Variants in LRRC27 observed in about 807,000 individuals in gnomAD.
The protein encoded by LRRC27 is leucine-rich repeat-containing protein 27.
Under a neutral mutation model 55.0 loss-of-function variants are expected in LRRC27, and 57 were observed. The observed-to-expected ratio is 1.04, with a 90% CI of 0.84 to 1.29. The LOEUF (loss-of-function observed/expected upper bound fraction) is 1.29. Ranked by LOEUF, LRRC27 falls within the 50% of genes most tolerant of loss-of-function variation. LRRC27 has a pLI of 0.00. For synonymous variants in LRRC27, 278 were observed against 251.9 expected (o/e 1.10, Z -0.98); for missense variants, 721 against 651.5 (o/e 1.11, Z -1.16).
intron 7 of LRRC27, 57 bp from the exon 8 acceptor site, chr10:132,355,733 T>C: frequency 2.3e-6 from 3 of 1,302,654 alleles, no homozygotes; most frequent in Non-Finnish European, 2.2e-6. Flanking sequence ...AGAGGAATCC[T>C]GTAGCCTTGG....
At chr10:132,353,887 G>A (rs574711726) in intron 7 of LRRC27, among the ~76,000 whole-genome samples, 1 of 152,356 alleles carries the variant, frequency 6.6e-6, no homozygotes, top group East Asian at 1.9e-4. Context: ...GCCTCAGCAG[G>A]CATCTCCCTT....
chr10:132,372,127 G>A lies in LRRC27; in HGVS notation c.1417-2939G>A, dbSNP rs536249401. 2.0e-5 allele frequency among the ~76,000 whole-genome samples: 3 copies of A among 152,072 alleles called. No individual in the cohort carries two copies. The highest frequency in any genetic ancestry group is 2.1e-4 in the South Asian group (1 of 4,794). On this transcript the variant is annotated intron_variant, in intron 10 of 10. Transcript: ENST00000368614. This position sits in a 1 kb window ranked among gnomAD's most constrained non-coding sequence, Gnocchi z 4.0. Reference sequence around the variant, plus strand: ...GGATGGGAAGTGGGGGTCGGGGTGCGGTGGCTCACGCCTGCAATCCCAGTT... The same window carrying A: ...GGATGGGAAGTGGGGGTCGGGGTGCAGTGGCTCACGCCTGCAATCCCAGTT...
chr10:132,351,214 G>A lies in LRRC27; in HGVS notation c.927-393G>A, dbSNP rs142755776. On this transcript the variant is annotated intron_variant, in intron 6 of 10. Transcript: ENST00000368614. Reference sequence around the variant, plus strand: ...CCAGGCACGTCACATCGTCCAGCCCGGGCGAGCTGCTGGCCAGGCCCCCTG... The same window carrying A: ...CCAGGCACGTCACATCGTCCAGCCCAGGCGAGCTGCTGGCCAGGCCCCCTG... The A allele has an allele frequency of 3.7e-3, 664 of 180,378 alleles. 3 individuals are homozygous for A. The highest frequency in any genetic ancestry group is 6.1e-3 in the Non-Finnish European group (517 of 84,890). The allele number at this position is 180,378 out of a possible 1,614,324, so 11.2% of individuals were successfully genotyped here.
Position 132,342,216 on chromosome 10 carries a change from T to TTTGAAAA in LRRC27, c.346_352dup (p.Thr118IlefsTer75). On this transcript the variant is annotated frameshift_variant, in exon 4 of 11. Transcript: ENST00000368614. LOFTEE classifies it high-confidence loss of function. ...TTTGTTTTGTTTTGCTTTAAAGGCA[T>TTTGAAAA]TTGAAAACTTTGCTTTTAGAAAGAA... The TTTGAAAA allele has an allele frequency of 6.5e-7, 1 of 1,547,498 alleles. No individual in the cohort carries two copies. The highest frequency in any genetic ancestry group is 8.7e-7 in the Non-Finnish European group (1 of 1,144,300).
intron 1 of LRRC27, chr10:132,332,486 C>T (rs1348173256): frequency 6.6e-6 from 1 of 152,252 alleles, no homozygotes; most frequent in Non-Finnish European, 1.5e-5. Flanking sequence ...GTGGGGATCC[C>T]TTGAAGGCAG....
At chr10:132,338,406 T>G (rs2067231476) in intron 3 of LRRC27, among the ~76,000 whole-genome samples, 1 of 152,218 alleles carries the variant, frequency 6.6e-6, no homozygotes, top group African/African-American at 2.4e-5. Flanking sequence ...TGAGAAATTC[T>G]TCTCACTTTG....
At chr10:132,360,707 C>G (rs1389409014) in intron 8 of LRRC27, among the ~76,000 whole-genome samples, 3 of 152,232 alleles carry the variant, frequency 2.0e-5, no homozygotes, top group African/African-American at 4.8e-5. Flanking sequence ...ATGGCAGATA[C>G]AACCATTCCA....
chr10:132,368,731 C>G (rs985115753), intron 10 of LRRC27, among the ~76,000 whole-genome samples: 2 of 152,182 alleles, frequency 1.3e-5, no homozygotes, highest in Non-Finnish European at 2.9e-5. Context: ...ACCTAAGTGA[C>G]CTTGGGTATG....
chr10:132,330,146 C>G (rs1026933556), upstream of LRRC27: 5 of 364,344 alleles, frequency 1.4e-5, no homozygotes, highest in Non-Finnish European at 2.6e-5. Context: ...TGGATACAAT[C>G]TGGCTGGGCA....
Position 132,380,795 on chromosome 10 carries a change from T to C in LRRC27, c.*5553T>C, listed in dbSNP as rs1268994984. The stretch of plus-strand genomic sequence containing the variant: ...GCTCCTGAGAAGCAGAGAAAAGTCA[T>C]GACATTTCAAGAAAAAGTTGAATTT... On this transcript the variant is annotated 3_prime_UTR_variant, in exon 11 of 11. Transcript: ENST00000368614. Among the ~76,000 whole-genome samples the C allele has an allele frequency of 6.6e-6, 1 of 152,242 alleles. No individual in the cohort carries two copies. Among genetic ancestry groups the C allele is most frequent in the Non-Finnish European group, 1.5e-5 (1 of 68,038 alleles).
intron 5 of LRRC27, among the ~76,000 whole-genome samples, chr10:132,346,198 G>A (rs529947813): frequency 1.1e-4 from 16 of 152,324 alleles, no homozygotes; most frequent in African/African-American, 3.8e-4. Flanking sequence ...TGCTGATGGG[G>A]TGCGGGGTCC....
chr10:132,342,669 A>G (rs1305475659), intron 4 of LRRC27, among the ~76,000 whole-genome samples: 2 of 152,234 alleles, frequency 1.3e-5, no homozygotes, highest in Non-Finnish European at 2.9e-5. Context: ...GAATCTAAAC[A>G]CTCAAAACCA....
intron 9 of LRRC27, among the ~76,000 whole-genome samples, chr10:132,364,357 ACACC>A (rs1564852783): frequency 8.9e-4 from 33 of 36,920 alleles, no homozygotes; most frequent in African/African-American, 2.9e-3. Flanking sequence ...ATCTACCTCC[ACACC>A]CGCGCTTACA....
upstream of LRRC27, chr10:132,330,189 C>G (rs1442771860): frequency 2.1e-6 from 1 of 483,858 alleles, no homozygotes; most frequent in Non-Finnish European, 3.8e-6. Context: ...AAAACATGCT[C>G]GTACATACAA....
intron 10 of LRRC27, among the ~76,000 whole-genome samples, chr10:132,373,707 G>C (rs1314142340): frequency 1.3e-5 from 2 of 152,212 alleles, no homozygotes; most frequent in African/African-American, 2.4e-5. Flanking sequence ...AGGAAGGTAA[G>C]AGTTCCAGAA....
chr10:132,365,255 G>A (rs549118184), intron 9 of LRRC27, among the ~76,000 whole-genome samples, 169 bp from the exon 10 acceptor site: 57 of 152,344 alleles, frequency 3.7e-4, no homozygotes, highest in South Asian at 1.2e-3. Flanking sequence ...AGTGGGTGCC[G>A]GGGAGGCCCA....
rs112650175 is a variant in LRRC27 at position 132,348,591 on chromosome 10, C to T, written c.926+235C>T. Among the ~76,000 whole-genome samples, 29 of 152,256 alleles carry T rather than the reference C, an allele frequency of 1.9e-4. No homozygotes were observed. The highest frequency in any genetic ancestry group is 5.3e-4 in the African/African-American group (22 of 41,532). On this transcript the variant is annotated intron_variant, in intron 6 of 10. Transcript: ENST00000368614. The surrounding 1 kb of genome is among the most constrained non-coding windows in gnomAD (Gnocchi z 4.2). ...GCTGAGTTTGCCAAGGTTGAGGATA[C>T]GCCCGGGGAAAAGAGACATAAGCGA...
At chr10:132,366,042 G>A (rs1433865032) in intron 10 of LRRC27, among the ~76,000 whole-genome samples, 5 of 152,268 alleles carry the variant, frequency 3.3e-5, no homozygotes, top group South Asian at 2.1e-4. Context: ...TCAGCCGAGG[G>A]GCTGAGCCCT....
At chr10:132,333,779 T>C (rs2066962473) in intron 2 of LRRC27, 45 bp downstream of exon 2, 1 of 1,465,230 alleles carries the variant, frequency 6.8e-7, no homozygotes, top group Non-Finnish European at 9.4e-7. Flanking sequence ...AGGTCCCCTA[T>C]AGACAGAAAT....
Sources: gnomAD v4.1 joint callset for allele counts (sites outside exome capture counted in the v4.1 genomes callset) on GRCh38, gnomAD v4.1.1 for gene constraint, Gnocchi (gnomAD v3.1) non-coding constraint, MANE v1.5 for transcripts, NCBI Gene and HGNC (gene_info 2026-07-23, HGNC 2026-07-21) for gene names.